Variants in NRG1 observed in about 807,000 individuals in gnomAD.
NRG1 encodes pro-neuregulin-1, membrane-bound isoform.
NRG1 carries 18 observed loss-of-function variants against 63.8 expected under a neutral mutation model. That is an observed-to-expected ratio of 0.28 (90% CI 0.19 to 0.42). The LOEUF is 0.42. Ranked by LOEUF, NRG1 falls within the 10% of genes least tolerant of loss-of-function variation. The pLI, the probability that NRG1 is intolerant of heterozygous loss-of-function variation, is 1.00. For synonymous variants in NRG1, 302 were observed against 301.3 expected, an observed-to-expected ratio of 1.00 and a Z score of -0.02; for missense variants, 762 against 814.7, an observed-to-expected ratio of 0.94 and a Z score of 0.79.
At chr8:32,647,150 T>C in intron 5 of NRG1, 1 of 985,370 alleles carries the variant, frequency 1.0e-6, no homozygotes, top group Non-Finnish European at 1.2e-6. Context: ...AGGCACCTGC[T>C]GCTCTGTAAT....
chr8:32,068,777 G>A (rs1303201285), intron 1 of NRG1, among the ~76,000 whole-genome samples: 4 of 152,240 alleles, frequency 2.6e-5, no homozygotes, highest in Middle Eastern at 3.4e-3. Flanking sequence ...TATTGATATC[G>A]AAGTATGCTT....
chr8:32,232,966 T>C lies in NRG1; in HGVS notation c.38-362862T>C, dbSNP rs549963514. ...CACCAACAGCTAATTATATAGCTAA[T>C]TCATGGTAGTTAATTTTATTTACTT... On this transcript the variant is annotated intron_variant, in intron 1 of 10. Coordinates refer to the NRG1 transcript ENST00000519301. Among the ~76,000 whole-genome samples, 19 of 152,352 alleles carry C rather than the reference T, an allele frequency of 1.2e-4. No homozygotes were observed. The South Asian group carries it at 3.5e-3, about 28-fold the overall frequency.
intron 1 of NRG1, among the ~76,000 whole-genome samples, chr8:31,850,905 A>G (rs1054876782): frequency 6.6e-6 from 1 of 152,154 alleles, no homozygotes; most frequent in Non-Finnish European, 1.5e-5. Flanking sequence ...TCTATTGACA[A>G]AACCGGATTA....
chr8:31,857,580 G>A (rs545607784), intron 1 of NRG1, among the ~76,000 whole-genome samples: 8 of 152,286 alleles, frequency 5.3e-5, no homozygotes, highest in South Asian at 4.1e-4. Context: ...CTTCTGCGTC[G>A]CTCACACTGG....
chr8:32,372,831 T>C (rs990492919), intron 1 of NRG1, among the ~76,000 whole-genome samples: 2 of 152,120 alleles, frequency 1.3e-5, no homozygotes, highest in Admixed American at 1.3e-4. Flanking sequence ...ACATTGTTTC[T>C]ACTGGGAAAG....
At chr8:31,848,834 C>T (rs550448674) in intron 1 of NRG1, among the ~76,000 whole-genome samples, 61 of 152,318 alleles carry the variant, frequency 4.0e-4, no homozygotes, top group African/African-American at 1.3e-3. Context: ...ACTGATTCTA[C>T]ATTACGGTGA....
At chr8:31,873,849 GCA>G (rs1253316874) in intron 1 of NRG1, among the ~76,000 whole-genome samples, 1 of 152,118 alleles carries the variant, frequency 6.6e-6, no homozygotes, top group Non-Finnish European at 1.5e-5. Flanking sequence ...TGAAACAATA[GCA>G]CAGTCTACCT....
chr8:31,955,691 A>G (rs946075769), intron 1 of NRG1, among the ~76,000 whole-genome samples: 1 of 152,090 alleles, frequency 6.6e-6, no homozygotes, highest in African/African-American at 2.4e-5. Context: ...TCCCAGCCTC[A>G]AAAAGTAGGG....
intron 1 of NRG1, among the ~76,000 whole-genome samples, chr8:32,550,566 G>C (rs1328063359): frequency 6.6e-6 from 1 of 152,164 alleles, no homozygotes; most frequent in East Asian, 1.9e-4. Context: ...ATCCTGTTCA[G>C]GTAATAGGTG....
chr8:32,605,928 G>C (rs1442777568), intron 3 of NRG1, among the ~76,000 whole-genome samples: 1 of 151,978 alleles, frequency 6.6e-6, no homozygotes, highest in African/African-American at 2.4e-5. Flanking sequence ...ATGAATGGCA[G>C]AGATAGGTTG....
intron 1 of NRG1, among the ~76,000 whole-genome samples, chr8:32,591,978 C>G (rs1379090139): frequency 1.3e-5 from 2 of 151,978 alleles, no homozygotes; most frequent in Non-Finnish European, 2.9e-5. Context: ...AAAGAACAGA[C>G]TAATGCACAC....
intron 1 of NRG1, among the ~76,000 whole-genome samples, chr8:32,196,591 G>A (rs370284232): frequency 2.6e-5 from 4 of 152,200 alleles, no homozygotes; most frequent in East Asian, 3.9e-4. Context: ...CAGAGCCCTG[G>A]GAACAGAGAA....
chr8:32,620,096 A>C (rs72634867), intron 5 of NRG1, among the ~76,000 whole-genome samples: 2 of 152,338 alleles, frequency 1.3e-5, no homozygotes, highest in Non-Finnish European at 2.9e-5. Context: ...CAGCAATAAC[A>C]ATAAGCCAAA....
At chr8:31,875,519 C>G (rs147370405) in intron 1 of NRG1, among the ~76,000 whole-genome samples, 1 of 152,112 alleles carries the variant, frequency 6.6e-6, no homozygotes, top group Non-Finnish European at 1.5e-5. Flanking sequence ...GAGACCTAAA[C>G]ATGGCAAAAA....
chr8:31,912,515 G>T (rs1273266488), intron 1 of NRG1, among the ~76,000 whole-genome samples: 1 of 150,614 alleles, frequency 6.6e-6, no homozygotes, highest in Non-Finnish European at 1.5e-5. Flanking sequence ...GAGAGTTTGG[G>T]TGTAGAATGC....
intron 1 of NRG1, among the ~76,000 whole-genome samples, chr8:32,144,056 A>G (rs978039685): frequency 6.6e-6 from 1 of 152,216 alleles, no homozygotes; most frequent in Admixed American, 6.5e-5. Context: ...TGATGAGTCC[A>G]GTTGGAGCCT....
chr8:32,236,587 G>A (rs572824072), intron 1 of NRG1, among the ~76,000 whole-genome samples: 4 of 152,128 alleles, frequency 2.6e-5, no homozygotes, highest in South Asian at 2.1e-4. Flanking sequence ...TAGATCATCA[G>A]TTCACTTTCC....
At chr8:32,595,269 A>C (rs1339674473) in intron 1 of NRG1, among the ~76,000 whole-genome samples, 1 of 152,028 alleles carries the variant, frequency 6.6e-6, no homozygotes, top group African/African-American at 2.4e-5. Flanking sequence ...GGCTCACTGC[A>C]GCATTGACCT....
downstream of NRG1, among the ~76,000 whole-genome samples, chr8:32,768,234 A>G (rs1831570307): frequency 6.6e-6 from 1 of 152,210 alleles, no homozygotes. Context: ...ACAATAACAG[A>G]GAGAGAATAT....
Sources: allele counts gnomAD v4.1 joint callset (sites outside exome capture counted in the v4.1 genomes callset), GRCh38; gene constraint gnomAD v4.1.1; transcripts MANE v1.5; gene names NCBI Gene and HGNC (gene_info 2026-07-23, HGNC 2026-07-21).